AZIN2: variants seen among roughly 807,000 people sequenced by gnomAD.
AZIN2 encodes antizyme inhibitor 2.
Under a neutral mutation model 47.8 loss-of-function variants are expected in AZIN2, and 28 were observed. The observed-to-expected ratio is 0.59, with a 90% CI of 0.43 to 0.80. The LOEUF (loss-of-function observed/expected upper bound fraction) is 0.80. Ranked by LOEUF, AZIN2 falls within the 30% of genes least tolerant of loss-of-function variation. AZIN2 has a pLI of 0.00. For synonymous variants in AZIN2, 221 were observed against 239.4 expected, an observed-to-expected ratio of 0.92 and a Z score of 0.71; for missense variants, 535 against 582.5, an observed-to-expected ratio of 0.92 and a Z score of 0.84.
chr1:33,094,513 C>A, intron 7 of AZIN2, 35 bp from the exon 8 acceptor site: 2 of 1,594,258 alleles, frequency 1.3e-6, no homozygotes, highest in South Asian at 2.2e-5. Flanking sequence ...ACTTGGAGCC[C>A]TGCATGTCAG....
intron 11 of AZIN2, 193 bp downstream of exon 11, chr1:33,118,309 C>G: frequency 1.8e-6 from 1 of 562,152 alleles, no homozygotes; most frequent in Non-Finnish European, 2.9e-6. Flanking sequence ...GAGGAGCTCA[C>G]AGCCCTGAGG....
chr1:33,081,171 G>T lies in AZIN2; in HGVS notation c.-529G>T. On this transcript the variant is annotated 5_prime_UTR_variant, in exon 1 of 12. Coordinates refer to ENST00000294517, the MANE Select transcript of AZIN2 (RefSeq NM_052998.4). The surrounding 1 kb of genome is among the most constrained non-coding windows in gnomAD (Gnocchi z 4.2). Reference sequence around the variant, plus strand: ...AGGCGGGGCGTGGGGGTCTGTGGCTGCTGGGCTGGCGGGGCGCAGGCCGCG... The same window carrying T: ...AGGCGGGGCGTGGGGGTCTGTGGCTTCTGGGCTGGCGGGGCGCAGGCCGCG... 1 of 154,252 alleles carries T rather than the reference G, an allele frequency of 6.5e-6. No individual in the cohort carries two copies. The highest frequency in any genetic ancestry group is 2.0e-4 in the South Asian group (1 of 5,028). 9.6% of individuals were successfully genotyped at this position (154,252 alleles called of 1,614,324 possible).
the AZIN2 span, chr1:33,164,766 T>TATTC: frequency 4.6e-4 from 70 of 151,722 alleles, no homozygotes; most frequent in African/African-American, 9.7e-4. Flanking sequence ...GCAATGGGCT[T>TATTC]ATTCATTCAT....
chr1:33,085,485 C>A (rs1351352691), intron 5 of AZIN2, among the ~76,000 whole-genome samples: 1 of 151,708 alleles, frequency 6.6e-6, no homozygotes, highest in Non-Finnish European at 1.5e-5. Flanking sequence ...GAGGTGGGAG[C>A]AAGTCCAGTG....
chr1:33,107,978 A>G (rs1291425911), intron 10 of AZIN2, among the ~76,000 whole-genome samples: 1 of 152,196 alleles, frequency 6.6e-6, no homozygotes, highest in Non-Finnish European at 1.5e-5. Flanking sequence ...AAAAAATCCT[A>G]AGATTTGTAT....
the AZIN2 span, among the ~76,000 whole-genome samples, chr1:33,136,167 CTT>C: frequency 3.6e-4 from 53 of 145,558 alleles, 1 homozygote; most frequent in African/African-American, 1.1e-3. Flanking sequence ...TCCTTCCTTC[CTT>C]CCTTCCCTCC....
At chr1:33,101,001 A>G (rs971990724) in intron 10 of AZIN2, among the ~76,000 whole-genome samples, 1 of 152,018 alleles carries the variant, frequency 6.6e-6, no homozygotes, top group African/African-American at 2.4e-5. Context: ...AGCTGGGATT[A>G]CAGGTGTGTG....
At chr1:33,084,707 C>T (rs2124462838) in intron 5 of AZIN2, among the ~76,000 whole-genome samples, 1 of 152,208 alleles carries the variant, frequency 6.6e-6, no homozygotes, top group Admixed American at 6.5e-5. Flanking sequence ...AGTGATTCTC[C>T]TGCCCTCAGC....
chr1:33,088,680 C>A (rs537939663), intron 5 of AZIN2, among the ~76,000 whole-genome samples: 1 of 152,346 alleles, frequency 6.6e-6, no homozygotes, highest in African/African-American at 2.4e-5. Flanking sequence ...CTTGATCAGG[C>A]TGAAGTGCTC....
At chr1:33,084,722 C>G (rs188312116) in intron 5 of AZIN2, among the ~76,000 whole-genome samples, 24 of 152,066 alleles carry the variant, frequency 1.6e-4, no homozygotes, top group African/African-American at 5.5e-4. Context: ...CTCAGCCTCC[C>G]GAGTAGATGG....
Position 33,092,232 on chromosome 1 carries a change from G to A in AZIN2, c.452+10G>A. 1 of 1,612,622 alleles carries A rather than the reference G, an allele frequency of 6.2e-7. No individual in the cohort carries two copies. Among genetic ancestry groups the A allele is most frequent in the Non-Finnish European group, 8.5e-7 (1 of 1,179,306 alleles). On this transcript the variant is annotated intron_variant, in intron 6 of 11. Coordinates refer to ENST00000294517, the MANE Select transcript of AZIN2 (RefSeq NM_052998.4). ...GCCACCCCAGTGCCAAGTAAGCTGAGAACCACTCATGGGGAGGCTGGGCTG... is the reference window on the plus strand; with the variant it reads ...GCCACCCCAGTGCCAAGTAAGCTGAAAACCACTCATGGGGAGGCTGGGCTG...
chr1:33,161,037 C>T, the AZIN2 span, among the ~76,000 whole-genome samples: 7 of 152,238 alleles, frequency 4.6e-5, no homozygotes, highest in African/African-American at 1.7e-4. The surrounding 1 kb of genome is among the most constrained non-coding windows in gnomAD (Gnocchi z 4.3). Context: ...CTAGCTATGG[C>T]AACGTCAGTT....
the AZIN2 span, among the ~76,000 whole-genome samples, chr1:33,140,141 T>C: frequency 6.6e-6 from 1 of 152,016 alleles, no homozygotes; most frequent in Admixed American, 6.6e-5. The surrounding 1 kb of genome is among the most constrained non-coding windows in gnomAD (Gnocchi z 4.0). Context: ...ATGGACAAAC[T>C]CCAGGAAGCT....
At chr1:33,157,791 C>T in the AZIN2 span, among the ~76,000 whole-genome samples, 5 of 150,930 alleles carry the variant, frequency 3.3e-5, no homozygotes, top group Non-Finnish European at 4.4e-5. Flanking sequence ...GAGTCTTGCT[C>T]TGTTGCCCAG....
chr1:33,092,140 G>A lies in AZIN2; in HGVS notation c.370G>A (p.Ala124Thr). 6.2e-7 allele frequency: 1 copy of A among 1,614,204 alleles called. No individual in the cohort carries two copies. Among genetic ancestry groups the A allele is most frequent in the Non-Finnish European group, 8.5e-7 (1 of 1,180,026 alleles). Residue 124 changes from alanine to threonine, a missense_variant, in exon 6 of 12, where the codon GCT becomes ACT. This residue lies in a region of AZIN2 where 409 missense variants were observed against 429.0 expected (regional missense o/e 0.95). Coordinates refer to ENST00000294517, the MANE Select transcript of AZIN2 (RefSeq NM_052998.4). ...PCKQIAQIKY[A>T]AKHGIQLLSF... ...TAAGCAAATTGCACAGATCAAATAT[G>A]CTGCCAAGCATGGGATCCAGCTGCT...
chr1:33,145,597 C>G, the AZIN2 span: 1 of 201,352 alleles, frequency 5.0e-6, no homozygotes, highest in Admixed American at 5.6e-5. Context: ...TTAGCTCTTC[C>G]GGCTACTTTG....
chr1:33,129,082 G>A, the AZIN2 span, among the ~76,000 whole-genome samples: 3 of 152,164 alleles, frequency 2.0e-5, no homozygotes, highest in African/African-American at 7.2e-5. The surrounding 1 kb of genome is among the most constrained non-coding windows in gnomAD (Gnocchi z 4.1). Flanking sequence ...CAGGGCACTG[G>A]CGTGTACAAG....
the AZIN2 span, among the ~76,000 whole-genome samples, chr1:33,152,686 A>C: frequency 6.6e-6 from 1 of 152,212 alleles, no homozygotes; most frequent in Non-Finnish European, 1.5e-5. Flanking sequence ...ATTACAAACA[A>C]ATAATTTAAT....
chr1:33,149,984 G>A, the AZIN2 span, among the ~76,000 whole-genome samples: 2 of 152,194 alleles, frequency 1.3e-5, no homozygotes, highest in Admixed American at 6.5e-5. Context: ...GGTGGCATGG[G>A]CTGCATCACC....
Sources: gnomAD v4.1 joint callset for allele counts (sites outside exome capture counted in the v4.1 genomes callset) on GRCh38, gnomAD v4.1.1 for gene constraint, gnomAD v4.1.1 regional missense constraint, Gnocchi (gnomAD v3.1) non-coding constraint, MANE v1.5 for transcripts, NCBI Gene and HGNC (gene_info 2026-07-23, HGNC 2026-07-21) for gene names.